ZFYVE26: variants seen among roughly 807,000 people sequenced by gnomAD.
ZFYVE26 encodes zinc finger FYVE-type containing 26.
ZFYVE26 carries 181 observed loss-of-function variants against 276.5 expected under a neutral mutation model. The observed-to-expected ratio is 0.65, with a 90% CI of 0.58 to 0.74. The LOEUF (loss-of-function observed/expected upper bound fraction) is 0.74, where lower values mean the gene tolerates loss of function less well. ZFYVE26 is among the 30% of genes least tolerant of loss of function. The pLI, the probability that ZFYVE26 is intolerant of heterozygous loss-of-function variation, is 0.00. For synonymous variants in ZFYVE26, 1,129 were observed against 1,203.1 expected, an observed-to-expected ratio of 0.94 and a Z score of 1.27; for missense variants, 2,821 against 3,097.9, an observed-to-expected ratio of 0.91 and a Z score of 2.12.
rs1056236985 is a variant in ZFYVE26, at chr14:67,767,771, A to G, written c.5723T>C (p.Val1908Ala). 8 of 1,613,910 alleles carry G rather than the reference A, an allele frequency of 5.0e-6. No individual in the cohort carries two copies. The African/African-American group carries it at 6.7e-5, about 13-fold the overall frequency. The change falls in exon 31 of 42, where the codon GTG (valine) becomes GCG (alanine). Residue 1908 changes from valine (V) to alanine (A), a missense_variant. By Grantham distance (64) the Val-to-Ala change is moderately conservative. Transcript: ENST00000347230. ...FVVRVPKADE[V>A]EWILDLKEEE... ...CTCTTTGAGATCCAAAATCCATTCC[A>G]CCTCATCTGCTTTGGGGACTCTCAC... is the stretch of plus-strand genomic sequence containing the variant.
intron 10 of ZFYVE26, among the ~76,000 whole-genome samples, chr14:67,800,701 T>A (rs766984260): frequency 7.8e-4 from 119 of 152,150 alleles, no homozygotes; most frequent in Non-Finnish European, 1.4e-3. Flanking sequence ...TGGAATGTTT[T>A]TAGGGTCTGT....
In ZFYVE26 at chr14:67,777,709, G is replaced by C. The variant is rs200553438; in HGVS notation, c.4824C>G (p.Thr1608=). 2 of 1,614,208 alleles carry C rather than the reference G, an allele frequency of 1.2e-6. No homozygotes were observed. The highest frequency in any genetic ancestry group is 2.7e-5 in the African/African-American group (2 of 75,048). The change falls in exon 25 of 42, where the codon ACC becomes ACG. Residue 1608 remains threonine (T), a synonymous_variant. Transcript: ENST00000347230. The part of the protein sequence containing the change: ...LQLLRRIPDP[T]MCLEVTEQSL... ...ATTGCTCTGTCACTTCAAGGCACAT[G>C]GTGGGGTCAGGGATTCTTCGCAGGA...
In ZFYVE26 at chr14:67,761,380, G is replaced by A. The variant is rs1313010957; in HGVS notation, c.6574C>T (p.His2192Tyr). ...CCATGTCCCACCTTGTTGAGAAGGTGCAGAAGAGCTTCCCGCAGGCAGCTG... is the reference window on the plus strand; with the variant it reads ...CCATGTCCCACCTTGTTGAGAAGGTACAGAAGAGCTTCCCGCAGGCAGCTG... ...RHSCLREALL[H>Y]LLNKESPPEV... Residue 2192 changes from histidine (H) to tyrosine (Y), a missense_variant, in exon 35 of 42, where the codon CAC becomes TAC. Physicochemically the swap from His to Tyr is moderately conservative, Grantham distance 83. Coordinates refer to ENST00000347230, the MANE Select transcript of ZFYVE26 (RefSeq NM_015346.4). The A allele has an allele frequency of 1.2e-6, 2 of 1,612,996 alleles. No individual in the cohort carries two copies. Among genetic ancestry groups the A allele is most frequent in the South Asian group, 1.1e-5 (1 of 90,844 alleles).
intron 9 of ZFYVE26, among the ~76,000 whole-genome samples, chr14:67,802,539 C>A (rs1403916970): frequency 6.6e-6 from 1 of 152,180 alleles, no homozygotes; most frequent in Admixed American, 6.5e-5. Flanking sequence ...CATTATTGCC[C>A]AGGGCCAGGA....
At chr14:67,751,861 CAA>C (rs5809363) in intron 40 of ZFYVE26, among the ~76,000 whole-genome samples, 3 of 140,688 alleles carry the variant, frequency 2.1e-5, no homozygotes, top group Non-Finnish European at 1.6e-5. Context: ...GACTCTGTCT[CAA>C]AAAAAAAAAA....
Position 67,797,711 on chromosome 14 carries a change from T to C in ZFYVE26, c.2293A>G (p.Ser765Gly). The C allele has an allele frequency of 6.2e-7, 1 of 1,614,192 alleles. No individual in the cohort carries two copies. Among genetic ancestry groups the C allele is most frequent in the South Asian group, 1.1e-5 (1 of 91,088 alleles). ...CTTGTCCGACGACCCCGGCGGAGAC[T>C]GGGGTGACGTGTGGCAGGCTGGTAT... The part of the protein sequence containing the change: ...RRYQPATRHP[S>G]LRRGRRTRRS... The change falls in exon 12 of 42, where the codon AGT (serine) becomes GGT (glycine). Residue 765 changes from serine (S) to glycine (G), a missense_variant. Coordinates refer to ENST00000347230, the MANE Select transcript of ZFYVE26 (RefSeq NM_015346.4).
At chr14:67,795,310 C>T (rs1046600483) in intron 12 of ZFYVE26, among the ~76,000 whole-genome samples, 2 of 152,210 alleles carry the variant, frequency 1.3e-5, no homozygotes, top group Non-Finnish European at 2.9e-5. Flanking sequence ...AGCTTTCTCT[C>T]ACGGCATCCT....
intron 13 of ZFYVE26, among the ~76,000 whole-genome samples, chr14:67,739,073 G>A (rs1473809716): frequency 1.3e-5 from 2 of 152,174 alleles, no homozygotes; most frequent in South Asian, 2.1e-4. Context: ...TGCAAGTGAC[G>A]GTGATGGAAA....
At position 67,798,205 on chromosome 14, in the gene ZFYVE26, C is replaced by A. The variant is rs2039998463; in HGVS notation, c.2057G>T (p.Gly686Val). 2 of 1,614,148 alleles carry A rather than the reference C, an allele frequency of 1.2e-6. No homozygotes were observed. The highest frequency in any genetic ancestry group is 1.7e-6 in the Non-Finnish European group (2 of 1,180,010). The stretch of plus-strand genomic sequence containing the variant: ...CTCTTGGAGAAGCCTGAGGAAGGCC[C>A]CTATTGCAAATTCATCAGCCAGAAA... Reference protein sequence around the residue: ...SGFLADEFAIGAFLRLLQEQL... With the variant: ...SGFLADEFAIVAFLRLLQEQL... The change falls in exon 11 of 42, where the codon GGG becomes GTG. Residue 686 changes from glycine to valine, a missense_variant. Coordinates refer to ENST00000347230, the MANE Select transcript of ZFYVE26 (RefSeq NM_015346.4).
intron 25 of ZFYVE26, among the ~76,000 whole-genome samples, chr14:67,776,593 T>A (rs527761274): frequency 6.6e-6 from 1 of 152,218 alleles, no homozygotes; most frequent in African/African-American, 2.4e-5. Context: ...TTCTGTTTAT[T>A]TGAGGCTTTA....
rs557567349 is a variant in ZFYVE26, at chr14:67,778,187, C to T, written c.4736G>A (p.Ser1579Asn). 1 of 1,614,160 alleles carries T rather than the reference C, an allele frequency of 6.2e-7. No homozygotes were observed. The highest frequency in any genetic ancestry group is 1.3e-5 in the African/African-American group (1 of 75,022). Reference protein sequence around the residue: ...LYPIPREHLISLHQKHLLHLL... With the variant: ...LYPIPREHLINLHQKHLLHLL... ...GTGGAGAAGATGCTTTTGATGAAGG[C>T]TGATTAAATGTTCTCTTGGAATGGG... Residue 1579 changes from serine to asparagine, a missense_variant, in exon 24 of 42, where the codon AGC (serine) becomes AAC (asparagine). By Grantham distance (46) the Ser-to-Asn change is conservative. Transcript: ENST00000347230.
chr14:67,736,640 A>G (rs2038355567), intron 13 of ZFYVE26, among the ~76,000 whole-genome samples: 1 of 152,270 alleles, frequency 6.6e-6, no homozygotes, highest in South Asian at 2.1e-4. Flanking sequence ...GAATACATCC[A>G]AAAAGCATAC....
intron 19 of ZFYVE26, 87 bp downstream of exon 19, chr14:67,784,972 A>C: frequency 7.3e-7 from 1 of 1,368,690 alleles, no homozygotes; most frequent in South Asian, 1.2e-5. Flanking sequence ...CTGTATCCAG[A>C]GCCTTTCAAT....
chr14:67,729,917 C>G, intron 13 of ZFYVE26: 2 of 427,338 alleles, frequency 4.7e-6, no homozygotes, highest in Admixed American at 5.4e-5. Flanking sequence ...AGGGTGAAAT[C>G]TCTTTCCCAT....
chr14:67,735,845 C>A (rs1053753060), intron 13 of ZFYVE26, among the ~76,000 whole-genome samples: 1 of 152,148 alleles, frequency 6.6e-6, no homozygotes, highest in Non-Finnish European at 1.5e-5. Context: ...AAAAGGAAAT[C>A]AAAGAGACAT....
At chr14:67,735,058 C>T (rs1425016306) in intron 13 of ZFYVE26, 1 of 685,832 alleles carries the variant, frequency 1.5e-6, no homozygotes, top group Non-Finnish European at 2.7e-6. Context: ...GCACTTACAA[C>T]CAACAGCAAA....
At chr14:67,801,807 A>C (rs936879706) in intron 10 of ZFYVE26, among the ~76,000 whole-genome samples, 1 of 152,232 alleles carries the variant, frequency 6.6e-6, no homozygotes, top group Non-Finnish European at 1.5e-5. Flanking sequence ...TAGGATGTAA[A>C]ATGCTATTCC....
At chr14:67,801,965 A>G in intron 10 of ZFYVE26, 114 bp downstream of exon 10, 1 of 1,214,806 alleles carries the variant, frequency 8.2e-7, no homozygotes. Flanking sequence ...TGGGTGAAAT[A>G]AAACCAAGGC....
chr14:67,777,858 C>CT (rs74984747), intron 24 of ZFYVE26, 123 bp from the exon 25 acceptor site: 13,972 of 1,063,500 alleles, frequency 0.013, 1 homozygote, highest in Non-Finnish European at 0.016. Flanking sequence ...CTCTATACTC[C>CT]TTTTTTTTTT....
Sources: allele counts gnomAD v4.1 joint callset (sites outside exome capture counted in the v4.1 genomes callset), GRCh38; gene constraint gnomAD v4.1.1; transcripts MANE v1.5; gene names NCBI Gene and HGNC (gene_info 2026-07-23, HGNC 2026-07-21).